ACTN2: variants seen among roughly 807,000 people sequenced by gnomAD.
ACTN2 encodes actinin alpha 2.
Under a neutral mutation model 113.8 loss-of-function variants are expected in ACTN2, and 39 were observed. The observed-to-expected ratio is 0.34, with a 90% confidence interval of 0.27 to 0.45. The LOEUF (loss-of-function observed/expected upper bound fraction) is 0.45, where lower values mean the gene tolerates loss of function less well. Ranked by LOEUF, ACTN2 falls within the 20% of genes least tolerant of loss-of-function variation. The pLI, the probability that ACTN2 is intolerant of heterozygous loss-of-function variation, is 1.00. For missense variants in ACTN2, 992 were observed against 1,177.9 expected (o/e 0.84, Z 2.31); for synonymous variants, 429 against 444.1 (o/e 0.97, Z 0.43).
intron 7 of ACTN2, among the ~76,000 whole-genome samples, chr1:236,733,537 A>G (rs1018920108): frequency 6.6e-6 from 1 of 152,230 alleles, no homozygotes; most frequent in African/African-American, 2.4e-5. Context: ...GTTCAGAAGA[A>G]TGCTCACACG....
rs80257412 is a variant in ACTN2 at position 236,747,683 on chromosome 1, G to A, written c.1423G>A (p.Asp475Asn). 2.8e-3 allele frequency: 4,559 copies of A among 1,613,920 alleles called. 187 individuals carry two copies. The East Asian group carries it at 0.079, about 28-fold the overall frequency. ...AQELNELDYH[D>N]AVNVNDRCQK... ...TTTTAATAGTGAACTGGACTATCAC[G>A]ACGCTGTGAATGTCAATGATCGGTG... Residue 475 changes from aspartate to asparagine, a missense_variant, in exon 13 of 21, where the codon GAC becomes AAC. Physicochemically the swap from Asp to Asn is conservative, Grantham distance 23 (BLOSUM62 1). Coordinates refer to ENST00000366578, the MANE Select transcript of ACTN2 (RefSeq NM_001103.4).
intron 1 of ACTN2, among the ~76,000 whole-genome samples, chr1:236,716,834 C>CTTT (rs1289656929): frequency 2.6e-4 from 7 of 26,544 alleles, no homozygotes; most frequent in Admixed American, 6.7e-4. Flanking sequence ...ACATTTTGAA[C>CTTT]ATTTTTTTTT....
intron 14 of ACTN2, among the ~76,000 whole-genome samples, chr1:236,750,693 T>A (rs1659368212): frequency 6.6e-6 from 1 of 152,182 alleles, no homozygotes; most frequent in Admixed American, 6.5e-5. Flanking sequence ...TGACCTTTTC[T>A]TTTTGAGGAA....
intron 1 of ACTN2, among the ~76,000 whole-genome samples, chr1:236,701,116 A>G (rs569654492): frequency 6.6e-5 from 10 of 152,272 alleles, no homozygotes; most frequent in Non-Finnish European, 1.3e-4. Flanking sequence ...CTTTTGTCCC[A>G]GAGGAATTAT....
At chr1:236,743,192 AATTT>A (rs1659126357) in intron 11 of ACTN2, 149 bp downstream of exon 11, 3 of 999,794 alleles carry the variant, frequency 3.0e-6, no homozygotes, top group Non-Finnish European at 4.5e-6. Context: ...CTCAGTGCCA[AATTT>A]ATTTAAGAGG....
chr1:236,760,215 C>T (rs1267346907), intron 19 of ACTN2, among the ~76,000 whole-genome samples: 1 of 151,108 alleles, frequency 6.6e-6, no homozygotes, highest in Non-Finnish European at 1.5e-5. Context: ...CACTGCACTC[C>T]AGCCTAGATG....
intron 14 of ACTN2, among the ~76,000 whole-genome samples, chr1:236,750,608 C>T (rs568534973): frequency 6.6e-6 from 1 of 152,268 alleles, no homozygotes; most frequent in East Asian, 1.9e-4. Flanking sequence ...ATTTGTGGGG[C>T]TGCTCATGTT....
intron 14 of ACTN2, among the ~76,000 whole-genome samples, chr1:236,750,016 C>T (rs1210449916): frequency 1.3e-5 from 2 of 152,152 alleles, no homozygotes; most frequent in African/African-American, 4.8e-5. Flanking sequence ...AAATCAGCAC[C>T]TACCTTTTGC....
At chr1:236,694,928 T>C (rs554667507) in intron 1 of ACTN2, among the ~76,000 whole-genome samples, 2 of 152,070 alleles carry the variant, frequency 1.3e-5, no homozygotes, top group African/African-American at 4.8e-5. Flanking sequence ...TTAGCCGGTA[T>C]GGTGGCGTGT....
intron 19 of ACTN2, 108 bp from the exon 20 acceptor site, chr1:236,760,907 A>G: frequency 7.2e-7 from 1 of 1,396,840 alleles, no homozygotes; most frequent in Non-Finnish European, 1.0e-6. Context: ...GTAATAATTC[A>G]GTTTTCAGAC....
At chr1:236,691,022 C>G (rs987737481) in intron 1 of ACTN2, among the ~76,000 whole-genome samples, 1 of 151,070 alleles carries the variant, frequency 6.6e-6, no homozygotes, top group South Asian at 2.1e-4. Flanking sequence ...ACTGCAGTCT[C>G]CGTCTCCCGG....
chr1:236,724,210 A>G (rs1420617542), intron 4 of ACTN2, among the ~76,000 whole-genome samples: 2 of 152,080 alleles, frequency 1.3e-5, no homozygotes, highest in Non-Finnish European at 2.9e-5. Flanking sequence ...AGAACCTGCC[A>G]ATGAGCAGGC....
chr1:236,755,121 G>A lies in ACTN2; in HGVS notation c.2077G>A (p.Asp693Asn), dbSNP rs781251434. The change falls in exon 17 of 21, where the codon GAC becomes AAC. Residue 693 changes from aspartate (D) to asparagine (N), a missense_variant. By Grantham distance (23) the Asp-to-Asn change is conservative. This residue lies in a region of ACTN2 where 736 missense variants were observed against 815.4 expected (regional missense o/e 0.90). Transcript: ENST00000366578. The part of the protein sequence containing the change: ...HNIINYKNNI[D>N]KLEGDHQLIQ... ...CATCATCAACTATAAGAACAACATCGACAAGCTGGAGGGAGACCATCAGCT... is the reference window on the plus strand; with the variant it reads ...CATCATCAACTATAAGAACAACATCAACAAGCTGGAGGGAGACCATCAGCT... 5 of 1,614,018 alleles carry A rather than the reference G, an allele frequency of 3.1e-6. No homozygotes were observed. The highest frequency in any genetic ancestry group is 2.2e-5 in the East Asian group (1 of 44,882).
At position 236,746,585 on chromosome 1, in the gene ACTN2, A is replaced by G. The variant is rs1484621007; in HGVS notation, c.1407-1082A>G. ...GCCGGGTGTAGTGGCACATGCCTGT[A>G]GTCCCAGCTACTTGGGAGCCTAAGA... is the stretch of plus-strand genomic sequence containing the variant. On this transcript the variant is annotated intron_variant, in intron 12 of 20. Transcript: ENST00000366578. Among the ~76,000 whole-genome samples, 12 of 152,198 alleles carry G rather than the reference A, an allele frequency of 7.9e-5. No individual in the cohort carries two copies. The East Asian group carries it at 2.1e-3, about 27-fold the overall frequency.
intron 5 of ACTN2, among the ~76,000 whole-genome samples, chr1:236,727,289 G>T (rs542812953): frequency 1.3e-5 from 2 of 152,326 alleles, no homozygotes; most frequent in South Asian, 4.1e-4. Context: ...CATTTGCAGG[G>T]TAGACGTCCT....
chr1:236,762,705 T>A lies in ACTN2; in HGVS notation c.*86T>A. The A allele has an allele frequency of 6.6e-7, 1 of 1,515,636 alleles. No individual in the cohort carries two copies. The highest frequency in any genetic ancestry group is 9.0e-7 in the Non-Finnish European group (1 of 1,115,404). 93.9% of individuals were successfully genotyped at this position (1,515,636 alleles called of 1,614,324 possible). Reference sequence around the variant, plus strand: ...GTTTCCTGGAAACTTTGACAAGCTTTATTAAGTTGAGAGAGAGAGAGGGGA... The same window carrying A: ...GTTTCCTGGAAACTTTGACAAGCTTAATTAAGTTGAGAGAGAGAGAGGGGA... On this transcript the variant is annotated 3_prime_UTR_variant, in exon 21 of 21. Coordinates refer to ENST00000366578, the MANE Select transcript of ACTN2 (RefSeq NM_001103.4).
intron 10 of ACTN2, among the ~76,000 whole-genome samples, chr1:236,741,907 A>C (rs1449200771): frequency 1.3e-5 from 2 of 152,170 alleles, no homozygotes; most frequent in African/African-American, 4.8e-5. Context: ...AAGGGCCTGC[A>C]TGCTTGCCAA....
chr1:236,734,897 G>A lies in ACTN2; in HGVS notation c.698-738G>A, dbSNP rs182453114. Among the ~76,000 whole-genome samples the A allele has an allele frequency of 1.5e-3, 233 of 152,316 alleles. 4 individuals are homozygous for A. The highest frequency in any genetic ancestry group is 1.0e-4 in the Non-Finnish European group (7 of 68,030). ...AAAAAGCAACTTACCGAAAAATGGT[G>A]TTGCCAAGATGGAGGAAGAAAGGAT... On this transcript the variant is annotated intron_variant, in intron 7 of 20. Transcript: ENST00000366578.
chr1:236,762,726 G>GAGAGA lies in ACTN2; in HGVS notation c.*107_*108insAGAGA. 1 of 1,397,676 alleles carries GAGAGA rather than the reference G, an allele frequency of 7.2e-7. No homozygotes were observed. Among genetic ancestry groups the GAGAGA allele is most frequent in the Non-Finnish European group, 9.8e-7 (1 of 1,022,614 alleles). The allele number at this position is 1,397,676 out of a possible 1,614,324, so 86.6% of individuals were successfully genotyped here. ...GCTTTATTAAGTTGAGAGAGAGAGA[G>GAGAGA]GGGAAAAAAAAAAGCCTTTCGTAGT... On this transcript the variant is annotated 3_prime_UTR_variant, in exon 21 of 21. Transcript: ENST00000366578.
Sources: gnomAD v4.1 joint callset for allele counts (sites outside exome capture counted in the v4.1 genomes callset) on GRCh38, gnomAD v4.1.1 for gene constraint, gnomAD v4.1.1 regional missense constraint, MANE v1.5 for transcripts, NCBI Gene and HGNC (gene_info 2026-07-23, HGNC 2026-07-21) for gene names.